EPHX2: variants seen among roughly 807,000 people sequenced by gnomAD.
The protein encoded by EPHX2 is epoxide hydrolase 2, also known as bifunctional epoxide hydrolase 2.
A neutral mutation model predicts 78.7 loss-of-function variants in EPHX2; 74 were observed. The observed-to-expected ratio is 0.94, with a 90% confidence interval of 0.78 to 1.14. EPHX2 has a LOEUF of 1.14. Ranked by LOEUF, EPHX2 falls within the 50% of genes most tolerant of loss-of-function variation. The pLI is 0.00. For synonymous variants in EPHX2, 251 were observed against 255.2 expected (o/e 0.98, Z 0.16); for missense variants, 715 against 702.5 (o/e 1.02, Z -0.20).
At chr8:27,501,345 C>A (rs1334482009) in intron 2 of EPHX2, among the ~76,000 whole-genome samples, 2 of 119,058 alleles carry the variant, frequency 1.7e-5, no homozygotes, top group Admixed American at 1.7e-4. Context: ...TCTTCTTCTT[C>A]TTCTTCTTCT....
intron 4 of EPHX2, among the ~76,000 whole-genome samples, chr8:27,505,350 T>C (rs1047421140): frequency 8.5e-5 from 13 of 152,184 alleles, no homozygotes; most frequent in African/African-American, 3.1e-4. Flanking sequence ...TTTGGCTCCA[T>C]TGTATAGCTC....
chr8:27,541,259 G>C (rs1383617583), intron 15 of EPHX2, among the ~76,000 whole-genome samples: 2 of 152,218 alleles, frequency 1.3e-5, no homozygotes, highest in Non-Finnish European at 2.9e-5. Flanking sequence ...AGTTCACTCA[G>C]TGGAGTCCTG....
Position 27,516,311 on chromosome 8 carries a change from G to T in EPHX2, c.832-9G>T. ...GGACCATGCTGGAGTGTGCCTGTTT[G>T]TTTTCTAGATCCCTGCTCTGGCCCA... On this transcript the variant is annotated splice_polypyrimidine_tract_variant and intron_variant, in intron 7 of 18. Transcript: ENST00000521400. The T allele has an allele frequency of 6.2e-7, 1 of 1,613,476 alleles. No individual in the cohort carries two copies. Among genetic ancestry groups the T allele is most frequent in the South Asian group, 1.1e-5 (1 of 91,052 alleles).
At chr8:27,546,938 A>G (rs1384285641), downstream of EPHX2, among the ~76,000 whole-genome samples, 2 of 152,270 alleles carry the variant, frequency 1.3e-5, no homozygotes, top group East Asian at 3.9e-4. Context: ...ACTTACAATC[A>G]TGGCAGACGG....
intron 12 of EPHX2, among the ~76,000 whole-genome samples, chr8:27,530,617 A>G (rs922472834): frequency 4.6e-5 from 7 of 152,166 alleles, no homozygotes; most frequent in African/African-American, 1.7e-4. Flanking sequence ...GGGTTTTGTA[A>G]CAGGTAGACT....
Position 27,503,626 on chromosome 8 carries a change from A to C in EPHX2, c.209A>C (p.Asn70Thr). The C allele has an allele frequency of 6.2e-7, 1 of 1,612,440 alleles. No homozygotes were observed. The highest frequency in any genetic ancestry group is 1.1e-5 in the South Asian group (1 of 90,648). Residue 70 changes from asparagine to threonine, a missense_variant, in exon 3 of 19, where the codon AAC becomes ACC. Coordinates refer to ENST00000521400, the MANE Select transcript of EPHX2 (RefSeq NM_001979.6). ...CAGTGGATACCACTCATGGAAGAAA[A>C]CTGCAGGAAGTGCTCCGAGACCGCT... is the stretch of plus-strand genomic sequence containing the variant. The part of the protein sequence containing the change: ...LSQWIPLMEE[N>T]CRKCSETAKV...
At chr8:27,522,862 GA>G (rs1413283447) in intron 11 of EPHX2, among the ~76,000 whole-genome samples, 2 of 150,598 alleles carry the variant, frequency 1.3e-5, no homozygotes, top group African/African-American at 4.9e-5. Flanking sequence ...TCTGGAGGCT[GA>G]GGCAGGAGAA....
intron 2 of EPHX2, 101 bp from the exon 3 acceptor site, chr8:27,503,502 GA>G: frequency 7.6e-7 from 1 of 1,307,988 alleles, no homozygotes; most frequent in Non-Finnish European, 1.0e-6. Context: ...TCCAGGAGTG[GA>G]ATTGCTTGGT....
At chr8:27,506,079 C>G (rs952747639) in intron 4 of EPHX2, among the ~76,000 whole-genome samples, 15 of 152,150 alleles carry the variant, frequency 9.9e-5, no homozygotes, top group Non-Finnish European at 1.8e-4. Flanking sequence ...GCCTCAAACT[C>G]CTGAGCTCAA....
chr8:27,528,471 G>A (rs974751606), intron 12 of EPHX2, among the ~76,000 whole-genome samples: 3 of 152,132 alleles, frequency 2.0e-5, no homozygotes, highest in Admixed American at 6.5e-5. Flanking sequence ...AGTAGGCAAA[G>A]GCACTTCCCA....
chr8:27,548,074 A>G (rs997893344), downstream of EPHX2, among the ~76,000 whole-genome samples: 1 of 152,182 alleles, frequency 6.6e-6, no homozygotes, highest in African/African-American at 2.4e-5. Context: ...GGAGGCTGAG[A>G]TCACTCACAT....
intron 12 of EPHX2, among the ~76,000 whole-genome samples, chr8:27,528,252 G>C (rs1056225417): frequency 1.7e-4 from 26 of 152,136 alleles, no homozygotes; most frequent in Admixed American, 1.2e-3. Context: ...GAGAGTTTTG[G>C]GGACAGTTTT....
At chr8:27,497,748 A>G (rs554545911) in intron 1 of EPHX2, among the ~76,000 whole-genome samples, 1 of 152,234 alleles carries the variant, frequency 6.6e-6, no homozygotes, top group East Asian at 1.9e-4. Flanking sequence ...AGGATTTTCT[A>G]CCTTTTCCTG....
chr8:27,505,156 C>T lies in EPHX2; in HGVS notation c.537+10C>T, dbSNP rs1813955288. 1.9e-6 allele frequency: 3 copies of T among 1,613,720 alleles called. No individual in the cohort carries two copies. The highest frequency in any genetic ancestry group is 1.7e-5 in the Admixed American group (1 of 59,974). On this transcript the variant is annotated intron_variant, in intron 4 of 18. Coordinates refer to ENST00000521400, the MANE Select transcript of EPHX2 (RefSeq NM_001979.6). Reference sequence around the variant, plus strand: ...GGCCAGCCCCAGTGAGGTACGGAGACACTTCCTTATGGCAGAGAAGGATGT... The same window carrying T: ...GGCCAGCCCCAGTGAGGTACGGAGATACTTCCTTATGGCAGAGAAGGATGT...
At position 27,515,934 on chromosome 8, in the gene EPHX2, T is replaced by C. The variant is rs536464314; in HGVS notation, c.831+121T>C. 8.5e-5 allele frequency: 75 copies of C among 885,078 alleles called. No homozygotes were observed. The African/African-American group carries it at 9.5e-4, about 11-fold the overall frequency. The allele number at this position is 885,078 out of a possible 1,614,324, so 54.8% of individuals were successfully genotyped here. On this transcript the variant is annotated intron_variant, in intron 7 of 18. Transcript: ENST00000521400. ...TGACAGTGGAGCATTGTCTCCAAAG[T>C]GTGACCAGGTTGGGGCAGGAGGGTG... is the stretch of plus-strand genomic sequence containing the variant.
At chr8:27,514,658 C>T (rs746459004) in intron 6 of EPHX2, among the ~76,000 whole-genome samples, 1 of 152,158 alleles carries the variant, frequency 6.6e-6, no homozygotes, top group Non-Finnish European at 1.5e-5. Context: ...CTCTCTGCTG[C>T]CTCCACCTTC....
chr8:27,536,967 T>A, intron 13 of EPHX2, 112 bp downstream of exon 13: 1 of 1,139,922 alleles, frequency 8.8e-7, no homozygotes, highest in South Asian at 1.5e-5. Context: ...TTTTCTTTCA[T>A]TTCTATAGTC....
At chr8:27,514,063 A>G (rs1374298740) in intron 6 of EPHX2, among the ~76,000 whole-genome samples, 1 of 152,178 alleles carries the variant, frequency 6.6e-6, no homozygotes, top group Non-Finnish European at 1.5e-5. Context: ...CATGCCTGTA[A>G]TCCCAGCACT....
chr8:27,533,667 A>T (rs1265504597), intron 12 of EPHX2, among the ~76,000 whole-genome samples: 1 of 152,130 alleles, frequency 6.6e-6, no homozygotes, highest in Non-Finnish European at 1.5e-5. Flanking sequence ...AACTCACTGC[A>T]TTCTTGACTT....
Sources: allele counts gnomAD v4.1 joint callset (sites outside exome capture counted in the v4.1 genomes callset), GRCh38; gene constraint gnomAD v4.1.1; transcripts MANE v1.5; gene names NCBI Gene and HGNC (gene_info 2026-07-23, HGNC 2026-07-21).